GRK5: variants seen among roughly 807,000 people sequenced by gnomAD.
GRK5 encodes g protein-coupled receptor kinase GRK5.
A neutral mutation model predicts 78.4 loss-of-function variants in GRK5; 40 were observed. The ratio of observed to expected loss-of-function variants is 0.51; its 90% CI spans 0.40 to 0.66. GRK5 has a LOEUF of 0.66. Ranked by LOEUF, GRK5 falls within the 30% of genes least tolerant of loss-of-function variation. The pLI, the probability that GRK5 is intolerant of heterozygous loss-of-function variation, is 0.00. For synonymous variants in GRK5, 289 were observed against 296.8 expected, an observed-to-expected ratio of 0.97 and a Z score of 0.27; for missense variants, 598 against 759.9, an observed-to-expected ratio of 0.79 and a Z score of 2.50.
At position 119,335,686 on chromosome 10, in the gene GRK5, A is replaced by G. The variant is rs140850596; in HGVS notation, c.148+9075A>G. On this transcript the variant is annotated intron_variant, in intron 2 of 15. Coordinates refer to ENST00000392870, the MANE Select transcript of GRK5 (RefSeq NM_005308.3). ...CCTGCGCATGTTCTTTAAACCAGACACTGGCTAACAGATACTTGTTAAGCT... is the reference window on the plus strand; with the variant it reads ...CCTGCGCATGTTCTTTAAACCAGACGCTGGCTAACAGATACTTGTTAAGCT... Among the ~76,000 whole-genome samples the G allele has an allele frequency of 1.6e-3, 243 of 152,338 alleles. 1 individual carries two copies. Among genetic ancestry groups the G allele is most frequent in the Non-Finnish European group, 2.6e-3 (178 of 68,026 alleles).
At chr10:119,313,871 G>A (rs866508392) in intron 1 of GRK5, among the ~76,000 whole-genome samples, 1 of 152,298 alleles carries the variant, frequency 6.6e-6, no homozygotes. Flanking sequence ...CCCTCTGGTT[G>A]AGGCTGAGGT....
At chr10:119,375,713 G>A (rs577758012) in intron 2 of GRK5, among the ~76,000 whole-genome samples, 95 of 152,340 alleles carry the variant, frequency 6.2e-4, no homozygotes, top group African/African-American at 2.1e-3. Flanking sequence ...GCAGGAAGGT[G>A]TGGCAATCCC....
At chr10:119,288,439 C>T (rs554070008) in intron 1 of GRK5, among the ~76,000 whole-genome samples, 49 of 152,308 alleles carry the variant, frequency 3.2e-4, no homozygotes, top group African/African-American at 8.9e-4. Context: ...AAGTAGGTAT[C>T]GACTGGGTGG....
intron 4 of GRK5, among the ~76,000 whole-genome samples, chr10:119,403,758 C>T (rs1367176622): frequency 4.6e-5 from 7 of 152,086 alleles, no homozygotes; most frequent in African/African-American, 1.7e-4. Flanking sequence ...CACCGCCTCC[C>T]AAGTAGCTGG....
intron 2 of GRK5, among the ~76,000 whole-genome samples, chr10:119,375,061 G>T (rs906821160): frequency 6.6e-6 from 1 of 152,170 alleles, no homozygotes. Context: ...AACACTACTT[G>T]CTGGTTCTCG....
intron 1 of GRK5, among the ~76,000 whole-genome samples, chr10:119,219,120 C>A (rs932937897): frequency 9.9e-5 from 15 of 152,180 alleles, no homozygotes; most frequent in Non-Finnish European, 2.9e-5. Flanking sequence ...ATCTCCTGAC[C>A]TCGTGATCCT....
chr10:119,404,703 C>T (rs1287693488), intron 4 of GRK5, among the ~76,000 whole-genome samples: 1 of 152,236 alleles, frequency 6.6e-6, no homozygotes, highest in Non-Finnish European at 1.5e-5. Flanking sequence ...GCCCCACTGC[C>T]TGTTGGAAAG....
intron 1 of GRK5, among the ~76,000 whole-genome samples, chr10:119,294,279 G>T (rs1465433719): frequency 6.6e-6 from 1 of 152,110 alleles, no homozygotes; most frequent in Admixed American, 6.5e-5. Context: ...CTTTTAATGG[G>T]TCCACAAGGC....
chr10:119,419,872 G>A (rs368363320), intron 4 of GRK5, among the ~76,000 whole-genome samples: 17 of 152,164 alleles, frequency 1.1e-4, no homozygotes, highest in African/African-American at 3.9e-4. Context: ...TCATTGTCTC[G>A]AGCTGCATCA....
At chr10:119,343,692 T>C (rs1367775593) in intron 2 of GRK5, among the ~76,000 whole-genome samples, 1 of 152,192 alleles carries the variant, frequency 6.6e-6, no homozygotes, top group Non-Finnish European at 1.5e-5. Flanking sequence ...GGAGGCTGGG[T>C]TGGGCCCGGG....
intron 4 of GRK5, among the ~76,000 whole-genome samples, chr10:119,420,072 C>T (rs1852538102): frequency 6.6e-6 from 1 of 152,194 alleles, no homozygotes; most frequent in Admixed American, 6.5e-5. Flanking sequence ...CAAATCCCCT[C>T]TCAGGCACTT....
intron 11 of GRK5, among the ~76,000 whole-genome samples, chr10:119,442,408 GT>G (rs1853056053): frequency 6.6e-6 from 1 of 152,238 alleles, no homozygotes; most frequent in South Asian, 2.1e-4. Flanking sequence ...TGAAGCAGGG[GT>G]CTGGGAGGAG....
chr10:119,291,921 T>C (rs1462615951), intron 1 of GRK5, among the ~76,000 whole-genome samples: 4 of 134,152 alleles, frequency 3.0e-5, no homozygotes, highest in South Asian at 2.7e-4. Flanking sequence ...CCTCTTCTTC[T>C]TCCTCCTTCT....
intron 1 of GRK5, among the ~76,000 whole-genome samples, chr10:119,221,434 G>A (rs1327897602): frequency 1.3e-5 from 2 of 152,090 alleles, no homozygotes; most frequent in African/African-American, 4.8e-5. Flanking sequence ...TGGGTGTCAG[G>A]AAAAATTGTG....
At chr10:119,293,006 CTGCACTCAGCAT>C (rs1850011938) in intron 1 of GRK5, among the ~76,000 whole-genome samples, 1 of 152,186 alleles carries the variant, frequency 6.6e-6, no homozygotes, top group Non-Finnish European at 1.5e-5. Flanking sequence ...GGGCCAGGCA[CTGCACTCAGCAT>C]TTGGTGGCTT....
At chr10:119,327,368 G>A (rs1446767554) in intron 2 of GRK5, among the ~76,000 whole-genome samples, 2 of 152,154 alleles carry the variant, frequency 1.3e-5, no homozygotes, top group African/African-American at 4.8e-5. Context: ...TTGGGGTCCC[G>A]GCCCTTCTCC....
chr10:119,228,664 G>T (rs965490294), intron 1 of GRK5, among the ~76,000 whole-genome samples: 1 of 152,104 alleles, frequency 6.6e-6, no homozygotes. Flanking sequence ...ATTCTTATTG[G>T]CATGGAGAGA....
At chr10:119,301,472 C>G (rs113097449) in intron 1 of GRK5, among the ~76,000 whole-genome samples, 2 of 152,172 alleles carry the variant, frequency 1.3e-5, no homozygotes, top group East Asian at 1.9e-4. Flanking sequence ...AGCAGCCCCA[C>G]GAAGTACACA....
intron 1 of GRK5, among the ~76,000 whole-genome samples, chr10:119,261,198 GGA>G (rs1333653557): frequency 6.9e-6 from 1 of 144,732 alleles, no homozygotes; most frequent in Admixed American, 7.0e-5. Context: ...GCTGCCGGGC[GGA>G]GGGTCTCCTC....
Sources: gnomAD v4.1 joint callset for allele counts (sites outside exome capture counted in the v4.1 genomes callset) on GRCh38, gnomAD v4.1.1 for gene constraint, MANE v1.5 for transcripts, NCBI Gene and HGNC (gene_info 2026-07-23, HGNC 2026-07-21) for gene names.